The following CTIF variants were observed in gnomAD, a reference collection of about 807,000 sequenced individuals.
The protein encoded by CTIF is CBP80/20-dependent translation initiation factor.
Under a neutral mutation model 66.0 loss-of-function variants are expected in CTIF, and 21 were observed. That is an observed-to-expected ratio of 0.32 (90% CI 0.23 to 0.46). The LOEUF (loss-of-function observed/expected upper bound fraction) is 0.46, where lower values mean the gene tolerates loss of function less well. Ranked by LOEUF, CTIF falls within the 20% of genes least tolerant of loss-of-function variation. The pLI is 1.00. For synonymous variants in CTIF, 345 were observed against 326.4 expected (o/e 1.06, Z -0.62); for missense variants, 739 against 812.7 (o/e 0.91, Z 1.10).
At chr18:48,840,722 A>C (rs1208594679) in intron 10 of CTIF, among the ~76,000 whole-genome samples, 1 of 151,982 alleles carries the variant, frequency 6.6e-6, no homozygotes, top group Admixed American at 6.6e-5. Context: ...ACAGTAACAG[A>C]GCTTAATTGT....
At chr18:48,827,007 A>G (rs1420857412) in intron 10 of CTIF, among the ~76,000 whole-genome samples, 3 of 152,070 alleles carry the variant, frequency 2.0e-5, no homozygotes, top group Non-Finnish European at 4.4e-5. Context: ...GGAAATGGGG[A>G]AAGCCTCCAG....
In CTIF at chr18:48,823,732, A is replaced by G. The variant is rs545644932; in HGVS notation, c.1527+6356A>G. 7.9e-5 allele frequency among the ~76,000 whole-genome samples: 12 copies of G among 152,302 alleles called. No homozygotes were observed. The East Asian group carries it at 2.3e-3, about 29-fold the overall frequency. On this transcript the variant is annotated intron_variant, in intron 10 of 11. Coordinates refer to ENST00000256413, the MANE Select transcript of CTIF (RefSeq NM_014772.3). ...CCCCTGGGATTTTGATAGGGATTGC[A>G]TTGAATCTGCAGATTGCTTTGAATA...
chr18:48,680,535 G>A (rs1268921847), intron 6 of CTIF, among the ~76,000 whole-genome samples: 1 of 152,240 alleles, frequency 6.6e-6, no homozygotes, highest in Non-Finnish European at 1.5e-5. Context: ...GGCCTGAGTG[G>A]CCCTGTCGAC....
chr18:48,600,147 G>T (rs536823168), intron 1 of CTIF, among the ~76,000 whole-genome samples: 5 of 152,190 alleles, frequency 3.3e-5, no homozygotes, highest in Admixed American at 3.3e-4. Flanking sequence ...TGCAGAGTCT[G>T]CCCCCAACCC....
At chr18:48,746,631 A>C (rs531862458) in intron 7 of CTIF, among the ~76,000 whole-genome samples, 135 of 152,054 alleles carry the variant, frequency 8.9e-4, no homozygotes, top group African/African-American at 3.2e-3. Context: ...GCAAGATGAT[A>C]GTCACGGCCA....
intron 1 of CTIF, among the ~76,000 whole-genome samples, chr18:48,588,389 C>T (rs1332967553): frequency 6.6e-6 from 1 of 152,246 alleles, no homozygotes; most frequent in Non-Finnish European, 1.5e-5. Flanking sequence ...CTGCCTGGCA[C>T]CTGTGTGCTC....
chr18:48,626,235 A>C (rs180820971), intron 2 of CTIF, among the ~76,000 whole-genome samples: 1 of 152,040 alleles, frequency 6.6e-6, no homozygotes, highest in East Asian at 1.9e-4. Flanking sequence ...CTCCTGACCC[A>C]GGTGATCCAC....
chr18:48,838,257 G>A, intron 10 of CTIF, among the ~76,000 whole-genome samples: 1 of 152,080 alleles, frequency 6.6e-6, no homozygotes, highest in African/African-American at 2.4e-5. Flanking sequence ...TCAGCTTGTG[G>A]GTAGACTCAC....
In CTIF at chr18:48,663,829, ACCT is replaced by A. The variant is rs1336626979; in HGVS notation, c.326+13_326+15del. On this transcript the variant is annotated splice_donor_5th_base_variant and intron_variant, in intron 4 of 11. Transcript: ENST00000256413. ...CCAACACCTTCGATTCCTTCAGGTA[ACCT>A]CCTCCTCCCTCCTTCCCTGTGGTGT... is the stretch of plus-strand genomic sequence containing the variant. 15 of 1,613,480 alleles carry A rather than the reference ACCT, an allele frequency of 9.3e-6. No homozygotes were observed. Among genetic ancestry groups the A allele is most frequent in the Middle Eastern group, 1.6e-4 (1 of 6,082 alleles).
chr18:48,851,018 C>T (rs1425773969), intron 10 of CTIF, among the ~76,000 whole-genome samples: 1 of 152,204 alleles, frequency 6.6e-6, no homozygotes, highest in African/African-American at 2.4e-5. Context: ...GCAAGAGGGC[C>T]TCTCGCACAA....
At chr18:48,687,978 GA>G (rs1479969071) in intron 6 of CTIF, among the ~76,000 whole-genome samples, 3 of 152,228 alleles carry the variant, frequency 2.0e-5, no homozygotes, top group Non-Finnish European at 4.4e-5. Context: ...TGCAGTTCCT[GA>G]AAACCGCTTG....
chr18:48,639,688 CTT>C (rs2090891023), intron 3 of CTIF, among the ~76,000 whole-genome samples: 1 of 152,190 alleles, frequency 6.6e-6, no homozygotes, highest in Non-Finnish European at 1.5e-5. Context: ...CAAGAGGAAT[CTT>C]TATTTTTCTC....
chr18:48,789,934 C>T (rs2067756122), intron 9 of CTIF, among the ~76,000 whole-genome samples: 1 of 152,186 alleles, frequency 6.6e-6, no homozygotes, highest in Non-Finnish European at 1.5e-5. Context: ...GCTGGCTTTG[C>T]CACCTGCTAC....
At position 48,737,012 on chromosome 18, in the gene CTIF, G is replaced by A. The variant is rs2092509290; in HGVS notation, c.585-20907G>A. Among the ~76,000 whole-genome samples the A allele has an allele frequency of 2.0e-5, 3 of 152,186 alleles. No homozygotes were observed. The South Asian group carries it at 6.2e-4, about 32-fold the overall frequency. On this transcript the variant is annotated intron_variant, in intron 7 of 11. Transcript: ENST00000256413. ...TCTTCTGCCTCCTGCTCACAGTCCT[G>A]TCTCCCTGATTCTCCACATGGCTCC...
chr18:48,542,214 T>G (rs2088638109), intron 1 of CTIF, among the ~76,000 whole-genome samples: 1 of 152,268 alleles, frequency 6.6e-6, no homozygotes, highest in African/African-American at 2.4e-5. Flanking sequence ...TGTTGGTGAA[T>G]GGATAGCAGC....
chr18:48,699,259 A>G (rs1160381301), intron 6 of CTIF, among the ~76,000 whole-genome samples: 1 of 152,198 alleles, frequency 6.6e-6, no homozygotes, highest in East Asian at 1.9e-4. Flanking sequence ...GCAGGTTCAC[A>G]GACTGGCTGG....
chr18:48,737,859 G>A (rs2092517731), intron 7 of CTIF, among the ~76,000 whole-genome samples: 1 of 152,256 alleles, frequency 6.6e-6, no homozygotes, highest in Non-Finnish European at 1.5e-5. Flanking sequence ...ATAATTGTAA[G>A]TAGAAGTTAG....
intron 9 of CTIF, among the ~76,000 whole-genome samples, chr18:48,772,053 T>C (rs938574364): frequency 6.6e-6 from 1 of 152,190 alleles, no homozygotes; most frequent in African/African-American, 2.4e-5. Flanking sequence ...CAGTGGCCCC[T>C]GGGCAGGAAG....
intron 3 of CTIF, chr18:48,662,349 G>C (rs1475543211): frequency 7.9e-6 from 1 of 126,844 alleles, no homozygotes; most frequent in Non-Finnish European, 1.7e-5. Flanking sequence ...CCTGGAATGA[G>C]GAAGTTTCAA....
Sources: allele counts gnomAD v4.1 joint callset (sites outside exome capture counted in the v4.1 genomes callset), GRCh38; gene constraint gnomAD v4.1.1; transcripts MANE v1.5; gene names NCBI Gene and HGNC (gene_info 2026-07-23, HGNC 2026-07-21).